HMGCS2: variants seen among roughly 807,000 people sequenced by gnomAD.
HMGCS2 encodes the protein hydroxymethylglutaryl-CoA synthase, mitochondrial.
In HMGCS2, 50 loss-of-function variants were observed where a neutral mutation model predicts 57.4. That is an observed-to-expected ratio of 0.87 (90% CI 0.69 to 1.10). The LOEUF (loss-of-function observed/expected upper bound fraction) is 1.10, where lower values mean the gene tolerates loss of function less well. HMGCS2 is among the 50% of genes least tolerant of loss of function. The pLI is 0.00. For missense variants in HMGCS2, 627 were observed against 636.5 expected, an observed-to-expected ratio of 0.99 and a Z score of 0.16; for synonymous variants, 254 against 245.1, an observed-to-expected ratio of 1.04 and a Z score of -0.34.
intron 2 of HMGCS2, among the ~76,000 whole-genome samples, chr1:119,763,946 T>A (rs1653123695): frequency 6.6e-6 from 1 of 152,206 alleles, no homozygotes; most frequent in African/African-American, 2.4e-5. Flanking sequence ...TAATACACAC[T>A]TCCTAGGCTG....
chr1:119,758,617 C>A (rs950874905), intron 4 of HMGCS2, among the ~76,000 whole-genome samples: 1 of 152,148 alleles, frequency 6.6e-6, no homozygotes, highest in Non-Finnish European at 1.5e-5. Context: ...AGGGAAATTC[C>A]AAAACTAAAG....
intron 9 of HMGCS2, among the ~76,000 whole-genome samples, chr1:119,750,284 C>T (rs587747876): frequency 6.6e-6 from 1 of 152,324 alleles, no homozygotes; most frequent in African/African-American, 2.4e-5. Flanking sequence ...TGTTCTGTTG[C>T]TCATCAGATC....
At chr1:119,755,872 T>C (rs1557990199) in intron 5 of HMGCS2, among the ~76,000 whole-genome samples, 1 of 140,322 alleles carries the variant, frequency 7.1e-6, no homozygotes, top group Non-Finnish European at 1.5e-5. Flanking sequence ...GTGGTTAGCA[T>C]ACTTTCTTAA....
chr1:119,754,903 C>T (rs1652785160), intron 6 of HMGCS2, among the ~76,000 whole-genome samples: 1 of 152,248 alleles, frequency 6.6e-6, no homozygotes, highest in Non-Finnish European at 1.5e-5. Flanking sequence ...ATGTACTTCA[C>T]TTTGGAGACC....
chr1:119,763,998 A>C (rs367765898), intron 2 of HMGCS2, among the ~76,000 whole-genome samples, 174 bp downstream of exon 2: 24 of 152,340 alleles, frequency 1.6e-4, no homozygotes, highest in African/African-American at 5.3e-4. Context: ...ATGCTACCTA[A>C]CTGTAAAGCT....
In HMGCS2 at chr1:119,757,427, G is replaced by A. The variant is rs142637231; in HGVS notation, c.862C>T (p.Arg288Ter). 9 of 1,613,652 alleles carry A rather than the reference G, an allele frequency of 5.6e-6. No individual in the cohort carries two copies. The highest frequency in any genetic ancestry group is 5.3e-5 in the African/African-American group (4 of 74,870). Residue 288 changes from arginine to a stop codon, truncating the protein, a stop_gained, in exon 5 of 10, where the codon CGA (arginine) becomes TGA (stop). Transcript: ENST00000369406. LOFTEE classifies it high-confidence loss of function. ...QNQWKQAGSD[R>*]PFTLDDLQYM... ...TGTAAATCGTCAAGGGTGAAGGGTC[G>A]ATCGCTGCCAGCTGGAAGAGGAAGC...
Position 119,757,275 on chromosome 1 carries a change from G to C in HMGCS2, c.1014C>G (p.Phe338Leu). 6.2e-7 allele frequency: 1 copy of C among 1,614,126 alleles called. No homozygotes were observed. Among genetic ancestry groups the C allele is most frequent in the Non-Finnish European group, 8.5e-7 (1 of 1,180,002 alleles). Residue 338 changes from phenylalanine to leucine, a missense_variant and splice_region_variant, in exon 5 of 10, where the codon TTC (phenylalanine) becomes TTG (leucine). Transcript: ENST00000369406. ...GGCTCCCCAAGAAGAGAACTCACCCGAAAGCCTCCAGCCCCTTATATAAGC... is the reference window on the plus strand; with the variant it reads ...GGCTCCCCAAGAAGAGAACTCACCCCAAAGCCTCCAGCCCCTTATATAAGC... ...QTSLYKGLEA[F>L]GGLKLEDTYT... is the part of the protein sequence containing the mutation.
Position 119,752,308 on chromosome 1 carries a change from G to A in HMGCS2, c.1420+241C>T, listed in dbSNP as rs77643004. On this transcript the variant is annotated intron_variant, in intron 8 of 9. Transcript: ENST00000369406. Reference sequence around the variant, plus strand: ...GCTTCCATGGGACTACACATTCTGGGTGTTTAGCTATATTCTATACTGGGA... The same window carrying A: ...GCTTCCATGGGACTACACATTCTGGATGTTTAGCTATATTCTATACTGGGA... Among the ~76,000 whole-genome samples, 817 of 152,252 alleles carry A rather than the reference G, an allele frequency of 5.4e-3. 11 individuals carry two copies. In the East Asian group the frequency reaches 0.075, roughly 14 times the overall value.
intron 4 of HMGCS2, among the ~76,000 whole-genome samples, chr1:119,758,384 C>T (rs1652922960): frequency 6.6e-6 from 1 of 152,138 alleles, no homozygotes; most frequent in Non-Finnish European, 1.5e-5. Flanking sequence ...CAGGCTTATG[C>T]CACCATGCCT....
Position 119,755,490 on chromosome 1 carries a change from G to A in HMGCS2, c.1124C>T (p.Ser375Phe), listed in dbSNP as rs151328418. The A allele has an allele frequency of 1.2e-6, 2 of 1,614,140 alleles. No individual in the cohort carries two copies. Among genetic ancestry groups the A allele is most frequent in the Non-Finnish European group, 1.7e-6 (2 of 1,180,000 alleles). ...GGTGTACATGTTCCCATTGTGAGTG[G>A]AGAGGTAAAGGGAAGCCTTGGTTTT... ...DKKTKASLYLSTHNGNMYTSS... is the reference protein window; with the variant it reads ...DKKTKASLYLFTHNGNMYTSS... The change falls in exon 6 of 10, where the codon TCC (serine) becomes TTC (phenylalanine). Residue 375 changes from serine to phenylalanine, a missense_variant. Transcript: ENST00000369406.
At chr1:119,753,413 A>ACC in intron 6 of HMGCS2, 27 bp from the exon 7 acceptor site, 1 of 291,746 alleles carries the variant, frequency 3.4e-6, no homozygotes. Flanking sequence ...CAAATAAAAC[A>ACC]CACACACACA....
chr1:119,755,696 A>G, intron 5 of HMGCS2, 99 bp from the exon 6 acceptor site: 1 of 1,046,804 alleles, frequency 9.6e-7, no homozygotes, highest in South Asian at 1.3e-5. Context: ...TTTGGGGCGC[A>G]TGTTTTTCCT....
chr1:119,762,010 CT>C (rs1168121777), intron 2 of HMGCS2, among the ~76,000 whole-genome samples: 2 of 152,162 alleles, frequency 1.3e-5, no homozygotes. Flanking sequence ...TCAACCTATC[CT>C]GATATTCCAC....
intron 1 of HMGCS2, among the ~76,000 whole-genome samples, chr1:119,767,586 G>T (rs1359183405): frequency 6.6e-6 from 1 of 152,196 alleles, no homozygotes; most frequent in Non-Finnish European, 1.5e-5. Context: ...TTGGATTAAA[G>T]GCGATTAGAC....
chr1:119,762,095 T>A (rs187521231), intron 2 of HMGCS2, among the ~76,000 whole-genome samples: 13 of 152,352 alleles, frequency 8.5e-5, no homozygotes, highest in African/African-American at 3.1e-4. Context: ...TAAAACTTTA[T>A]TTATCATTGC....
At chr1:119,764,091 GGGGAACTGAAAA>G in intron 2 of HMGCS2, 69 bp downstream of exon 2, 1 of 1,221,884 alleles carries the variant, frequency 8.2e-7, no homozygotes, top group Non-Finnish European at 1.2e-6. Flanking sequence ...GAAGCCACCT[GGGGAACTGAAAA>G]GCAAAACTGG....
At chr1:119,760,578 T>C (rs1653003319) in intron 2 of HMGCS2, among the ~76,000 whole-genome samples, 4 of 152,224 alleles carry the variant, frequency 2.6e-5, no homozygotes, top group Admixed American at 2.6e-4. Context: ...GTGGCACTAC[T>C]TTCATTGTGA....
chr1:119,768,810 A>T lies in HMGCS2; in HGVS notation c.35T>A (p.Leu12Gln), dbSNP rs939049952. ...TTCCTGCACCGCTCTTGTCAGTTGC[A>T]GAATGCGCTTCACTGGAGTCAACAG... ...QRLLTPVKRI[L>Q]QLTRAVQETS... Residue 12 changes from leucine (L) to glutamine (Q), a missense_variant, in exon 1 of 10, where the codon CTG becomes CAG. Leu to Gln is a moderately radical substitution (Grantham distance 113, BLOSUM62 -2). Coordinates refer to ENST00000369406, the MANE Select transcript of HMGCS2 (RefSeq NM_005518.4). The T allele has an allele frequency of 2.2e-5, 36 of 1,614,000 alleles. 1 individual carries two copies. The Admixed American group carries it at 6.0e-4, about 27-fold the overall frequency.
At chr1:119,756,874 T>C (rs1335842545) in intron 5 of HMGCS2, among the ~76,000 whole-genome samples, 1 of 152,196 alleles carries the variant, frequency 6.6e-6, no homozygotes, top group Non-Finnish European at 1.5e-5. Context: ...GCAGGGACCA[T>C]GGAGTCACAT....
Sources: gnomAD v4.1 joint callset for allele counts (sites outside exome capture counted in the v4.1 genomes callset) on GRCh38, gnomAD v4.1.1 for gene constraint, MANE v1.5 for transcripts, NCBI Gene and HGNC (gene_info 2026-07-23, HGNC 2026-07-21) for gene names.